The following TUSC3 variants were observed in gnomAD, a reference collection of about 807,000 sequenced individuals.
TUSC3 encodes the protein tumor suppressor candidate 3, also known as dolichyl-diphosphooligosaccharide--protein glycosyltransferase subunit TUSC3.
A neutral mutation model predicts 44.8 loss-of-function variants in TUSC3; 45 were observed. The observed-to-expected ratio is 1.00, with a 90% CI of 0.79 to 1.29. The LOEUF (loss-of-function observed/expected upper bound fraction) is 1.29. Ranked by LOEUF, TUSC3 falls within the 50% of genes most tolerant of loss-of-function variation. TUSC3 has a pLI of 0.00. For missense variants in TUSC3, 519 were observed against 437.9 expected, an observed-to-expected ratio of 1.19 and a Z score of -1.65; for synonymous variants, 212 against 152.9, an observed-to-expected ratio of 1.39 and a Z score of -2.85.
At chr8:15,696,506 C>T (rs1253897415) in intron 6 of TUSC3, among the ~76,000 whole-genome samples, 1 of 152,148 alleles carries the variant, frequency 6.6e-6, no homozygotes, top group African/African-American at 2.4e-5. Context: ...AGCGCTCACA[C>T]AGAGTCCCTG....
At chr8:15,433,408 C>T (rs1433946941) in intron 1 of TUSC3, among the ~76,000 whole-genome samples, 1 of 152,064 alleles carries the variant, frequency 6.6e-6, no homozygotes. Flanking sequence ...TAAAATGGAA[C>T]ACAGACCTTT....
At chr8:15,461,538 C>T (rs532532307) in intron 1 of TUSC3, among the ~76,000 whole-genome samples, 11 of 151,988 alleles carry the variant, frequency 7.2e-5, no homozygotes, top group Non-Finnish European at 1.6e-4. Context: ...TTTGTCTTGT[C>T]TGATTTCTCC....
At chr8:15,607,757 C>G (rs76480640) in intron 1 of TUSC3, among the ~76,000 whole-genome samples, 28 of 152,242 alleles carry the variant, frequency 1.8e-4, no homozygotes, top group Non-Finnish European at 3.4e-4. Context: ...ATATGCATAA[C>G]ATGAACTATT....
In TUSC3 at chr8:15,640,854, A is replaced by C. The variant is rs190345879; in HGVS notation, c.309-9843A>C. Among the ~76,000 whole-genome samples, 1,317 of 152,248 alleles carry C rather than the reference A, an allele frequency of 8.7e-3. 20 individuals are homozygous for C. Among genetic ancestry groups the C allele is most frequent in the African/African-American group, 0.03 (1,256 of 41,534 alleles). ...TAAATGTCATGAAGGAAAAGCACAG[A>C]GATTTATGAGAGGATCCTGGTTTTT... is the stretch of plus-strand genomic sequence containing the variant. On this transcript the variant is annotated intron_variant, in intron 2 of 10. Transcript: ENST00000503731.
At chr8:15,845,406 T>A in the TUSC3 span, among the ~76,000 whole-genome samples, 1 of 152,194 alleles carries the variant, frequency 6.6e-6, no homozygotes, top group Non-Finnish European at 1.5e-5. Flanking sequence ...AAAATTTGTA[T>A]TAACATGCAT....
intron 1 of TUSC3, among the ~76,000 whole-genome samples, chr8:15,466,228 A>G (rs1219052821): frequency 1.3e-5 from 2 of 152,152 alleles, no homozygotes; most frequent in Non-Finnish European, 2.9e-5. Context: ...TAGCAGACAC[A>G]TTTCTTTGGA....
At chr8:15,819,721 A>G in the TUSC3 span, among the ~76,000 whole-genome samples, 58 of 152,328 alleles carry the variant, frequency 3.8e-4, no homozygotes, top group Admixed American at 2.8e-3. Flanking sequence ...TAATGTTACA[A>G]TATCTCTTGT....
chr8:15,441,205 A>G (rs1368576217), intron 1 of TUSC3, among the ~76,000 whole-genome samples: 1 of 152,210 alleles, frequency 6.6e-6, no homozygotes, highest in East Asian at 1.9e-4. Context: ...TCAGAAGTTC[A>G]AAACCAGTCT....
intron 1 of TUSC3, among the ~76,000 whole-genome samples, chr8:15,612,833 G>A (rs910272180): frequency 2.6e-5 from 4 of 151,868 alleles, no homozygotes; most frequent in African/African-American, 9.7e-5. Flanking sequence ...TGGACTGTAT[G>A]TCCCATCTTG....
chr8:15,644,329 G>A (rs1053298022), intron 2 of TUSC3, among the ~76,000 whole-genome samples: 1 of 152,220 alleles, frequency 6.6e-6, no homozygotes, highest in African/African-American at 2.4e-5. Flanking sequence ...AATTTATGGC[G>A]TTCACTACAT....
the TUSC3 span, among the ~76,000 whole-genome samples, chr8:15,801,519 G>C: frequency 6.6e-6 from 1 of 152,162 alleles, no homozygotes; most frequent in South Asian, 2.1e-4. Flanking sequence ...AAAAAAAAGA[G>C]AGAAATACAA....
At chr8:15,756,251 T>C (rs1811923501) in intron 9 of TUSC3, among the ~76,000 whole-genome samples, 1 of 152,192 alleles carries the variant, frequency 6.6e-6, no homozygotes, top group Admixed American at 6.5e-5. Flanking sequence ...AGTCTCATTT[T>C]TCTGCAGCTC....
At chr8:15,617,205 T>A (rs1257191416) in intron 1 of TUSC3, among the ~76,000 whole-genome samples, 1 of 149,024 alleles carries the variant, frequency 6.7e-6, no homozygotes, top group Non-Finnish European at 1.5e-5. Flanking sequence ...AGTGGTGTGA[T>A]CTCCGCTCAC....
intron 6 of TUSC3, among the ~76,000 whole-genome samples, chr8:15,698,667 TA>T (rs1384341933): frequency 6.6e-6 from 1 of 152,216 alleles, no homozygotes; most frequent in African/African-American, 2.4e-5. Flanking sequence ...ATATTTAGGA[TA>T]TTTTTTCTGT....
intron 6 of TUSC3, among the ~76,000 whole-genome samples, chr8:15,712,172 A>G (rs1288129048): frequency 3.3e-5 from 5 of 152,020 alleles, no homozygotes; most frequent in Non-Finnish European, 7.4e-5. Flanking sequence ...CTTATTTGAA[A>G]AATAAGATTA....
chr8:15,714,339 G>T (rs145478024), intron 6 of TUSC3, among the ~76,000 whole-genome samples: 1 of 152,034 alleles, frequency 6.6e-6, no homozygotes, highest in Non-Finnish European at 1.5e-5. Context: ...CCCCAATTTT[G>T]TTGAAGTTAT....
chr8:15,739,933 TG>T (rs1197757526), intron 7 of TUSC3, among the ~76,000 whole-genome samples: 1 of 151,154 alleles, frequency 6.6e-6, no homozygotes, highest in Non-Finnish European at 1.5e-5. Context: ...TGTAAACAGA[TG>T]GTAATGTCTA....
At chr8:15,748,702 ATATAACAAATGAGGT>A in intron 9 of TUSC3, 1 of 652,006 alleles carries the variant, frequency 1.5e-6, no homozygotes, top group South Asian at 1.4e-5. Context: ...ACATATTTTT[ATATAACAAATGAGGT>A]TTAAGCTCAT....
intron 2 of TUSC3, among the ~76,000 whole-genome samples, chr8:15,487,893 C>T (rs1048253068): frequency 3.5e-5 from 5 of 141,408 alleles, no homozygotes; most frequent in Non-Finnish European, 7.5e-5. Context: ...GAATAGTGTG[C>T]TGGCAATTTT....
Sources: gnomAD v4.1 joint callset for allele counts (sites outside exome capture counted in the v4.1 genomes callset) on GRCh38, gnomAD v4.1.1 for gene constraint, MANE v1.5 for transcripts, NCBI Gene and HGNC (gene_info 2026-07-23, HGNC 2026-07-21) for gene names.